HIRIP3: variants seen among roughly 807,000 people sequenced by gnomAD.
HIRIP3 encodes the protein HIRA interacting protein 3.
A neutral mutation model predicts 50.3 loss-of-function variants in HIRIP3; 40 were observed. The observed-to-expected ratio is 0.79, with a 90% CI of 0.62 to 1.03. HIRIP3 has a LOEUF of 1.03. HIRIP3 is among the 50% of genes least tolerant of loss of function. The probability of loss-of-function intolerance (pLI) is 0.00; values close to 1 mark genes in which losing one functional copy is unlikely to be tolerated. For synonymous variants in HIRIP3, 318 were observed against 261.6 expected (o/e 1.22, Z -2.08); for missense variants, 765 against 705.4 (o/e 1.08, Z -0.96).
Position 29,994,601 on chromosome 16 carries a change from G to A in HIRIP3, c.544C>T (p.Pro182Ser). The A allele has an allele frequency of 6.2e-7, 1 of 1,614,034 alleles. No individual in the cohort carries two copies. Among genetic ancestry groups the A allele is most frequent in the Non-Finnish European group, 8.5e-7 (1 of 1,180,002 alleles). The change falls in exon 4 of 7, where the codon CCA (proline) becomes TCA (serine). Residue 182 changes from proline to serine, a missense_variant. Physicochemically the swap from Pro to Ser is moderately conservative, Grantham distance 74 (BLOSUM62 -1). Transcript: ENST00000279392. ...RKKPVVKKQA[P>S]GKASVSRKQA... ...TTCCTACTGACTGAGGCCTTGCCTG[G>A]TGCCTGCTTCTTTACCACAGGTTTC...
rs769465348 is a variant in HIRIP3, at chr16:29,993,789, C to T, written c.1259G>A (p.Gly420Glu). 1.9e-6 allele frequency: 3 copies of T among 1,611,960 alleles called. No individual in the cohort carries two copies. Among genetic ancestry groups the T allele is most frequent in the African/African-American group, 2.7e-5 (2 of 74,936 alleles). ...CCTCATCACAGCCGGGTGGTCCTCTCCACGGCGACCTGAGCCAGCCTAGCA... is the reference window on the plus strand; with the variant it reads ...CCTCATCACAGCCGGGTGGTCCTCTTCACGGCGACCTGAGCCAGCCTAGCA... ...KGGKAGSGRR[G>E]EDHPAVMRLK... Residue 420 changes from glycine to glutamate, a missense_variant, in exon 5 of 7, where the codon GGA (glycine) becomes GAA (glutamate). Coordinates refer to ENST00000279392, the MANE Select transcript of HIRIP3 (RefSeq NM_003609.5).
In HIRIP3 at chr16:29,994,855, AGAG is replaced by A; in HGVS notation, c.302-15_302-13del. 6.3e-7 allele frequency: 1 copy of A among 1,587,404 alleles called. No homozygotes were observed. The highest frequency in any genetic ancestry group is 8.6e-7 in the Non-Finnish European group (1 of 1,167,352). On this transcript the variant is annotated splice_polypyrimidine_tract_variant and intron_variant, in intron 3 of 6. Coordinates refer to ENST00000279392, the MANE Select transcript of HIRIP3 (RefSeq NM_003609.5). Reference sequence around the variant, plus strand: ...TTCAGAGCCGGACTCTGGAATATGGAGAGGAGAGAGGGTTGAGACAGGCTCCTC... The same window carrying A: ...TTCAGAGCCGGACTCTGGAATATGGAGAGAGAGGGTTGAGACAGGCTCCTC...
chr16:29,995,137 C>T lies in HIRIP3; in HGVS notation c.267G>A (p.Pro89=), dbSNP rs1176887597. The T allele has an allele frequency of 1.2e-6, 2 of 1,614,114 alleles. No homozygotes were observed. The highest frequency in any genetic ancestry group is 1.7e-6 in the Non-Finnish European group (2 of 1,180,048). Residue 89 remains proline (P), a synonymous_variant, in exon 3 of 7, where the codon CCG becomes CCA. Transcript: ENST00000279392. The stretch of plus-strand genomic sequence containing the variant: ...AATTGAAGCGGAACCTTTTTCTCTC[C>T]GGGTCGCTACAAGGGGTGGGAGGCC... ...GKRPPTPCSD[P]ERKRFRFNSE... is the part of the protein sequence containing the mutation.
rs766721352 is a variant in HIRIP3 at position 29,995,156 on chromosome 16, G to T, written c.248C>A (p.Pro83His). 4 of 1,614,126 alleles carry T rather than the reference G, an allele frequency of 2.5e-6. No individual in the cohort carries two copies. The highest frequency in any genetic ancestry group is 1.7e-6 in the Non-Finnish European group (2 of 1,180,050). Residue 83 changes from proline to histidine, a missense_variant, in exon 3 of 7, where the codon CCC becomes CAC. Pro to His is a moderately conservative substitution (Grantham distance 77). Transcript: ENST00000279392. Reference sequence around the variant, plus strand: ...TCTCTCCGGGTCGCTACAAGGGGTGGGAGGCCTCTTGCCCTTCTTGGTAAG... The same window carrying T: ...TCTCTCCGGGTCGCTACAAGGGGTGTGAGGCCTCTTGCCCTTCTTGGTAAG... Reference protein sequence around the residue: ...LDLTKKGKRPPTPCSDPERKR... With the variant: ...LDLTKKGKRPHTPCSDPERKR...
rs1413289981 is a variant in HIRIP3 at position 29,992,518 on chromosome 16, G to A, written c.*689C>T. ...CCACACAGACCCCAGGCAGCTCCAT[G>A]CTCACGAATCTTCCCGCAAGCCTCA... On this transcript the variant is annotated 3_prime_UTR_variant, in exon 7 of 7. Transcript: ENST00000279392. The A allele has an allele frequency of 6.6e-6, 1 of 152,214 alleles. No individual in the cohort carries two copies. The highest frequency in any genetic ancestry group is 1.5e-5 in the Non-Finnish European group (1 of 68,072). 9.4% of individuals were successfully genotyped at this position (152,214 alleles called of 1,614,324 possible).
chr16:29,994,905 C>G (rs944484330), intron 3 of HIRIP3, 62 bp from the exon 4 acceptor site: 2 of 1,531,420 alleles, frequency 1.3e-6, no homozygotes, highest in Non-Finnish European at 1.8e-6. Flanking sequence ...CCCTTCACTT[C>G]GGATAGGTTG....
upstream of HIRIP3, chr16:29,996,004 C>T (rs56183743): frequency 0.081 from 46,276 of 570,726 alleles, 2,989 homozygotes; most frequent in African/African-American, 0.25. Flanking sequence ...GGGGATAAAT[C>T]CTTTTGTGGC....
At position 29,994,101 on chromosome 16, in the gene HIRIP3, G is replaced by A. The variant is rs2070028789; in HGVS notation, c.1044C>T (p.Gly348=). The A allele has an allele frequency of 6.2e-7, 1 of 1,613,852 alleles. No individual in the cohort carries two copies. The highest frequency in any genetic ancestry group is 8.5e-7 in the Non-Finnish European group (1 of 1,179,938). The change falls in exon 4 of 7, where the codon GGC becomes GGT. Residue 348 remains glycine (G), a synonymous_variant. Coordinates refer to ENST00000279392, the MANE Select transcript of HIRIP3 (RefSeq NM_003609.5). The part of the protein sequence containing the change: ...DSGKGEPTAK[G]SRKMARLGST... ...TGCCCAGTCTGGCCATCTTTCTAGA[G>A]CCTTTAGCTGTGGGTTCCCCCTTCC...
chr16:29,993,141 A>G lies in HIRIP3; in HGVS notation c.*66T>C. ...AGGAAGCTGCTTCTGTTCCACAGAC[A>G]CAGGGCAAGGGGTGCTATGTATGCT... On this transcript the variant is annotated 3_prime_UTR_variant, in exon 7 of 7. Coordinates refer to ENST00000279392, the MANE Select transcript of HIRIP3 (RefSeq NM_003609.5). 1 of 1,443,046 alleles carries G rather than the reference A, an allele frequency of 6.9e-7. No individual in the cohort carries two copies. The highest frequency in any genetic ancestry group is 9.3e-7 in the Non-Finnish European group (1 of 1,079,718). 89.4% of individuals were successfully genotyped at this position (1,443,046 alleles called of 1,614,324 possible). A position where few individuals can be genotyped will look rare whatever the true frequency, so the allele number is the denominator to read the frequency against.
Position 29,992,916 on chromosome 16 carries a change from G to A in HIRIP3, c.*291C>T, listed in dbSNP as rs543728798. 1.1e-5 allele frequency: 3 copies of A among 277,660 alleles called. No individual in the cohort carries two copies. The highest frequency in any genetic ancestry group is 2.8e-4 in the South Asian group (2 of 7,146). 17.2% of individuals were successfully genotyped at this position (277,660 alleles called of 1,614,324 possible). A position where few individuals can be genotyped will look rare whatever the true frequency, so the allele number is the denominator to read the frequency against. On this transcript the variant is annotated 3_prime_UTR_variant, in exon 7 of 7. Transcript: ENST00000279392. ...GGGAAATTAAAGGGAACCAGGCCAG[G>A]GGAGGAGGTGGAGGCAGTGACTACT... is the stretch of plus-strand genomic sequence containing the variant.
rs2070040119 is a variant in HIRIP3, at chr16:29,994,455, C to T, written c.690G>A (p.Glu230=). 6.2e-7 allele frequency: 1 copy of T among 1,613,990 alleles called. No homozygotes were observed. Among genetic ancestry groups the T allele is most frequent in the South Asian group, 1.1e-5 (1 of 91,070 alleles). The change falls in exon 4 of 7, where the codon GAG becomes GAA. Residue 230 remains glutamate (E), a synonymous_variant. Coordinates refer to ENST00000279392, the MANE Select transcript of HIRIP3 (RefSeq NM_003609.5). ...TCTGCTCTTTCTTCTGGGCTAGGATCTCCTCTTCACTCTCCTGTTCACTTT... is the reference window on the plus strand; with the variant it reads ...TCTGCTCTTTCTTCTGGGCTAGGATTTCCTCTTCACTCTCCTGTTCACTTT... ...LKESEQESEE[E]ILAQKKEQRE...
chr16:29,993,142 CAGGGCA>C lies in HIRIP3; in HGVS notation c.*59_*64del. On this transcript the variant is annotated 3_prime_UTR_variant, in exon 7 of 7. Coordinates refer to ENST00000279392, the MANE Select transcript of HIRIP3 (RefSeq NM_003609.5). ...GGAAGCTGCTTCTGTTCCACAGACA[CAGGGCA>C]AGGGGTGCTATGTATGCTTTGTACA... The C allele has an allele frequency of 6.9e-7, 1 of 1,446,700 alleles. No individual in the cohort carries two copies. Among genetic ancestry groups the C allele is most frequent in the Non-Finnish European group, 9.2e-7 (1 of 1,083,016 alleles). The allele number at this position is 1,446,700 out of a possible 1,614,324, so 89.6% of individuals were successfully genotyped here. A position where few individuals can be genotyped will look rare whatever the true frequency, so the allele number is the denominator to read the frequency against.
At position 29,993,713 on chromosome 16, in the gene HIRIP3, C is replaced by G. The variant is rs543484635; in HGVS notation, c.1335G>C (p.Leu445=). ...CCTTGTGTGAGCAACAGGAGCCCAA[C>G]AGCTTCTTGTAGTTTCGATGGGCAC... ...ACGAHRNYKK[L]LGSCCSHKER... Residue 445 remains leucine (L), a synonymous_variant, in exon 5 of 7, where the codon CTG becomes CTC. Transcript: ENST00000279392. 1 of 1,609,744 alleles carries G rather than the reference C, an allele frequency of 6.2e-7. No homozygotes were observed. Among genetic ancestry groups the G allele is most frequent in the Non-Finnish European group, 8.5e-7 (1 of 1,179,996 alleles).
rs1213706515 is a variant in HIRIP3 at position 29,993,080 on chromosome 16, A to G, written c.*127T>C. The G allele has an allele frequency of 9.0e-6, 7 of 777,120 alleles. No homozygotes were observed. The South Asian group carries it at 1.1e-4, about 12-fold the overall frequency. 48.1% of individuals were successfully genotyped at this position (777,120 alleles called of 1,614,324 possible). ...CGTGAAGCTGAGAAGTAGCATCCCA[A>G]CAGCTTGTGTCCTTGGGAGCTGCAG... On this transcript the variant is annotated 3_prime_UTR_variant, in exon 7 of 7. Coordinates refer to ENST00000279392, the MANE Select transcript of HIRIP3 (RefSeq NM_003609.5).
upstream of HIRIP3, chr16:29,995,651 G>A (rs770726112): frequency 6.2e-7 from 1 of 1,600,580 alleles, no homozygotes; most frequent in South Asian, 1.1e-5. Context: ...TTTCTTCTCG[G>A]CCTCCGTCAG....
chr16:29,995,254 G>C (rs1262910678), intron 2 of HIRIP3, 37 bp from the exon 3 acceptor site: 1 of 1,613,454 alleles, frequency 6.2e-7, no homozygotes, highest in Non-Finnish European at 8.5e-7. Context: ...ATGCACCAAG[G>C]CTGCGCTCAC....
rs75636770 is a variant in HIRIP3, at chr16:29,994,333, C to G, written c.812G>C (p.Arg271Thr). 3 of 1,614,164 alleles carry G rather than the reference C, an allele frequency of 1.9e-6. No individual in the cohort carries two copies. In the East Asian group the frequency reaches 6.7e-5, roughly 36 times the overall value. The change falls in exon 4 of 7, where the codon AGG (arginine) becomes ACG (threonine). Residue 271 changes from arginine (R) to threonine (T), a missense_variant. Arg to Thr is a moderately conservative substitution (Grantham distance 71, BLOSUM62 -1). Coordinates refer to ENST00000279392, the MANE Select transcript of HIRIP3 (RefSeq NM_003609.5). ...TTTCTGCTTACAGCTCCTCTCCTCC[C>G]TAGCTGACTTTCTCCGGCCATTGCT... ...TRSNGRRKSA[R>T]EERSCKQKSQ... is the part of the protein sequence containing the mutation.
chr16:29,994,203 C>T lies in HIRIP3; in HGVS notation c.942G>A (p.Gln314=), dbSNP rs1333207688. The T allele has an allele frequency of 1.9e-6, 3 of 1,614,162 alleles. No individual in the cohort carries two copies. In the East Asian group the frequency reaches 6.7e-5, roughly 36 times the overall value. The change falls in exon 4 of 7, where the codon CAG becomes CAA. Residue 314 remains glutamine, a synonymous_variant. Coordinates refer to ENST00000279392, the MANE Select transcript of HIRIP3 (RefSeq NM_003609.5). Reference sequence around the variant, plus strand: ...GCTGGGTCCTGTCCTCACTCTTCCTCTGCACTGGGGGTTCTCTATCTCTCC... The same window carrying T: ...GCTGGGTCCTGTCCTCACTCTTCCTTTGCACTGGGGGTTCTCTATCTCTCC... ...DSGRDREPPV[Q]RKSEDRTQLK...
At position 29,993,999 on chromosome 16, in the gene HIRIP3, C is replaced by T. The variant is rs1468303260; in HGVS notation, c.1146G>A (p.Arg382=). ...AGCTCTTCTTGGAAGAGCGGTTCTT[C>T]CTCTCCCCCTGGGGGCCTCCCCCTG... The part of the protein sequence containing the change: ...SEAGGGPQGE[R]KNRSSKKSSR... Residue 382 remains arginine, a synonymous_variant, in exon 4 of 7, where the codon AGG becomes AGA. Transcript: ENST00000279392. The T allele has an allele frequency of 1.3e-6, 2 of 1,588,142 alleles. No homozygotes were observed. The highest frequency in any genetic ancestry group is 1.8e-5 in the Admixed American group (1 of 55,974).
Sources: gnomAD v4.1 joint callset for allele counts on GRCh38, gnomAD v4.1.1 for gene constraint, MANE v1.5 for transcripts, NCBI Gene and HGNC (gene_info 2026-07-23, HGNC 2026-07-21) for gene names.